Variants in TNFAIP8 observed in about 807,000 individuals in gnomAD.
TNFAIP8 encodes TNF alpha induced protein 8, also known as tumor necrosis factor alpha-induced protein 8.
Under a neutral mutation model 13.3 loss-of-function variants are expected in TNFAIP8, and 7 were observed. The ratio of observed to expected loss-of-function variants is 0.52; its 90% CI spans 0.30 to 0.99. The LOEUF (loss-of-function observed/expected upper bound fraction) is 0.99. Ranked by LOEUF, TNFAIP8 falls within the 50% of genes least tolerant of loss-of-function variation. The pLI is 0.07. For missense variants in TNFAIP8, 258 were observed against 236.9 expected (o/e 1.09, Z -0.58); for synonymous variants, 94 against 87.6 (o/e 1.07, Z -0.41).
intron 1 of TNFAIP8, among the ~76,000 whole-genome samples, chr5:119,288,001 G>A (rs1364467848): frequency 1.3e-5 from 2 of 152,088 alleles, no homozygotes; most frequent in African/African-American, 4.8e-5. Flanking sequence ...TGTCTGATGA[G>A]GTGAGATGTT....
At chr5:119,381,697 A>G (rs761263413) in intron 1 of TNFAIP8, among the ~76,000 whole-genome samples, 1 of 152,076 alleles carries the variant, frequency 6.6e-6, no homozygotes, top group Non-Finnish European at 1.5e-5. Flanking sequence ...TATACTCCCA[A>G]TAAGGGTGGC....
intron 1 of TNFAIP8, among the ~76,000 whole-genome samples, chr5:119,347,820 T>C (rs1750962656): frequency 6.6e-6 from 1 of 152,224 alleles, no homozygotes; most frequent in South Asian, 2.1e-4. Flanking sequence ...ACTGCAAGCC[T>C]ATGTCAGCCT....
At chr5:119,322,277 G>A (rs1302180172) in intron 1 of TNFAIP8, among the ~76,000 whole-genome samples, 1 of 152,166 alleles carries the variant, frequency 6.6e-6, no homozygotes, top group East Asian at 1.9e-4. Flanking sequence ...AGCACCATCA[G>A]CAGTGCTCAC....
intron 1 of TNFAIP8, among the ~76,000 whole-genome samples, chr5:119,283,681 G>A (rs947217404): frequency 1.3e-5 from 2 of 152,116 alleles, no homozygotes; most frequent in African/African-American, 4.8e-5. Context: ...TCAGTGCCCT[G>A]AAGTAAGGAG....
intron 1 of TNFAIP8, among the ~76,000 whole-genome samples, chr5:119,287,116 T>G (rs1419305288): frequency 6.6e-6 from 1 of 152,126 alleles, no homozygotes; most frequent in Non-Finnish European, 1.5e-5. Flanking sequence ...TGCTGCCTCC[T>G]CCAGGAAACC....
chr5:119,355,866 C>T (rs139564712), upstream of TNFAIP8: 813 of 1,119,994 alleles, frequency 7.3e-4, no homozygotes, highest in Non-Finnish European at 7.8e-4. Context: ...GCTCCGGGGG[C>T]GGACTCCCGC....
rs754376337 is a variant in TNFAIP8 at position 119,356,041 on chromosome 5, C to A, written c.-50C>A. ...GCTGCAGAGCGAACTTGCGGCTCGT[C>A]CGAGTACATGTGAGCGGTAATCGCC... On this transcript the variant is annotated 5_prime_UTR_variant, in exon 1 of 2. Coordinates refer to ENST00000504771, the MANE Select transcript of TNFAIP8 (RefSeq NM_014350.4). 8 of 1,547,344 alleles carry A rather than the reference C, an allele frequency of 5.2e-6. No individual in the cohort carries two copies. Among genetic ancestry groups the A allele is most frequent in the Non-Finnish European group, 7.0e-6 (8 of 1,143,856 alleles).
intron 1 of TNFAIP8, among the ~76,000 whole-genome samples, chr5:119,363,229 TC>T (rs1751699939): frequency 6.6e-6 from 1 of 152,180 alleles, no homozygotes. Flanking sequence ...GAAGATTGCT[TC>T]GTCTTCCTTT....
Position 119,284,428 on chromosome 5 carries a change from C to G in TNFAIP8, c.1+15521C>G, listed in dbSNP as rs191140287. On this transcript the variant is annotated intron_variant, in intron 1 of 1. Coordinates refer to the TNFAIP8 transcript ENST00000274456. Reference sequence around the variant, plus strand: ...CTGATTTAGGCCAGGCACCTATAATCCCAGCACTTTGGGAGGCTGAGATGG... The same window carrying G: ...CTGATTTAGGCCAGGCACCTATAATGCCAGCACTTTGGGAGGCTGAGATGG... 6.6e-5 allele frequency among the ~76,000 whole-genome samples: 10 copies of G among 152,246 alleles called. No individual in the cohort carries two copies. The East Asian group carries it at 1.9e-3, about 29-fold the overall frequency.
At chr5:119,355,541 C>T, upstream of TNFAIP8, 1 of 576,872 alleles carries the variant, frequency 1.7e-6, no homozygotes, top group East Asian at 2.9e-5. Flanking sequence ...CTTTAAAATC[C>T]GTAATTTTTG....
intron 1 of TNFAIP8, among the ~76,000 whole-genome samples, chr5:119,273,903 T>C (rs575976832): frequency 1.3e-5 from 2 of 152,308 alleles, no homozygotes; most frequent in African/African-American, 4.8e-5. Context: ...AAGCAACAGC[T>C]CACTCTGTCA....
At chr5:119,358,263 G>T (rs187156629) in intron 1 of TNFAIP8, among the ~76,000 whole-genome samples, 1 of 152,264 alleles carries the variant, frequency 6.6e-6, no homozygotes, top group African/African-American at 2.4e-5. Context: ...CAACTGTAGT[G>T]AGAGACTAGT....
chr5:119,283,880 C>A (rs148137876), intron 1 of TNFAIP8, among the ~76,000 whole-genome samples: 14 of 152,298 alleles, frequency 9.2e-5, no homozygotes, highest in Admixed American at 2.0e-4. Flanking sequence ...CAAAACAAAA[C>A]AAAACTGTTT....
At chr5:119,319,298 A>G (rs1749985893) in intron 1 of TNFAIP8, among the ~76,000 whole-genome samples, 1 of 152,224 alleles carries the variant, frequency 6.6e-6, no homozygotes, top group African/African-American at 2.4e-5. Context: ...ATGAAATAAA[A>G]TAATCCGTTT....
intron 1 of TNFAIP8, among the ~76,000 whole-genome samples, chr5:119,357,981 G>C (rs1751497389): frequency 6.6e-6 from 1 of 152,038 alleles, no homozygotes; most frequent in South Asian, 2.1e-4. Context: ...TTCATTGGCT[G>C]TAATCTAGAA....
At chr5:119,365,082 C>T (rs995467948) in intron 1 of TNFAIP8, among the ~76,000 whole-genome samples, 9 of 151,628 alleles carry the variant, frequency 5.9e-5, no homozygotes, top group African/African-American at 2.2e-4. Context: ...AAACTCCTGA[C>T]CTCAGGTGAT....
intron 1 of TNFAIP8, among the ~76,000 whole-genome samples, chr5:119,296,158 A>C (rs891427477): frequency 6.6e-6 from 1 of 150,446 alleles, no homozygotes; most frequent in South Asian, 2.1e-4. Flanking sequence ...AACTTCCAAC[A>C]CTATGTTGAA....
In TNFAIP8 at chr5:119,395,578, A is replaced by C. The variant is rs1105771; in HGVS notation, c.*2197A>C. On this transcript the variant is annotated 3_prime_UTR_variant, in exon 2 of 2. Coordinates refer to ENST00000504771, the MANE Select transcript of TNFAIP8 (RefSeq NM_014350.4). ...GGGGGAGCAATGCTTCATCTCCCACAGAGGGAAGGCAGTGAGGAGTAGACC... is the reference window on the plus strand; with the variant it reads ...GGGGGAGCAATGCTTCATCTCCCACCGAGGGAAGGCAGTGAGGAGTAGACC... The C allele has an allele frequency of 0.34, 52,125 of 152,138 alleles. 9,431 individuals are homozygous for C. The highest frequency in any genetic ancestry group is 0.43 in the South Asian group (2,085 of 4,798). 9.4% of individuals were successfully genotyped at this position (152,138 alleles called of 1,614,324 possible).
At chr5:119,331,054 C>T (rs1750361107) in intron 1 of TNFAIP8, among the ~76,000 whole-genome samples, 1 of 152,098 alleles carries the variant, frequency 6.6e-6, no homozygotes, top group Non-Finnish European at 1.5e-5. Context: ...AGGCAGGGCT[C>T]CTAGGGCTGG....
Sources: allele counts gnomAD v4.1 joint callset (sites outside exome capture counted in the v4.1 genomes callset), GRCh38; gene constraint gnomAD v4.1.1; transcripts MANE v1.5; gene names NCBI Gene and HGNC (gene_info 2026-07-23, HGNC 2026-07-21).